The following C1GALT1 variants were observed in gnomAD, a reference collection of about 807,000 sequenced individuals.
C1GALT1 encodes the protein glycoprotein-N-acetylgalactosamine 3-beta-galactosyltransferase 1.
In C1GALT1, 11 loss-of-function variants were observed where a neutral mutation model predicts 31.0. The observed-to-expected ratio is 0.36, with a 90% CI of 0.22 to 0.59. The LOEUF (loss-of-function observed/expected upper bound fraction) is 0.59, where lower values mean the gene tolerates loss of function less well. Among genes scored for constraint, C1GALT1 ranks in the 20% least tolerant of loss-of-function variants. C1GALT1 has a pLI of 0.79. For missense variants in C1GALT1, 424 were observed against 425.2 expected, an observed-to-expected ratio of 1.00 and a Z score of 0.03; for synonymous variants, 175 against 143.6, an observed-to-expected ratio of 1.22 and a Z score of -1.56.
At chr7:7,181,393 G>T (rs961859224), upstream of C1GALT1, among the ~76,000 whole-genome samples, 1 of 152,166 alleles carries the variant, frequency 6.6e-6, no homozygotes, top group Non-Finnish European at 1.5e-5. Context: ...TGGACATCAG[G>T]ATAGCTGCAC....
intron 3 of C1GALT1, among the ~76,000 whole-genome samples, chr7:7,240,942 T>TA (rs1648312328): frequency 6.6e-6 from 1 of 152,096 alleles, no homozygotes; most frequent in Non-Finnish European, 1.5e-5. Flanking sequence ...GGGTAAAAGA[T>TA]ATTCTAATTC....
chr7:7,230,570 AATCAACCACCTT>A (rs1783023220), intron 1 of C1GALT1, among the ~76,000 whole-genome samples: 1 of 148,596 alleles, frequency 6.7e-6, no homozygotes, highest in Admixed American at 6.7e-5. Flanking sequence ...TTTGGTTCTA[AATCAACCACCTT>A]ACTATTTATT....
chr7:7,210,332 G>T (rs1172367953), intron 1 of C1GALT1: 1 of 150,628 alleles, frequency 6.6e-6, no homozygotes, highest in African/African-American at 2.5e-5. Context: ...CATGTTGTAT[G>T]TCCAGTTTAT....
At chr7:7,161,063 A>T (rs545614793) in intron 2 of C1GALT1, among the ~76,000 whole-genome samples, 86 of 152,238 alleles carry the variant, frequency 5.6e-4, no homozygotes, top group Non-Finnish European at 1.1e-3. Flanking sequence ...TTACTACACA[A>T]AATTACTGAC....
chr7:7,246,412 A>G lies in C1GALT1; in HGVS notation c.*2685A>G, dbSNP rs1292878526. 1 of 152,200 alleles carries G rather than the reference A, an allele frequency of 6.6e-6. No individual in the cohort carries two copies. Among genetic ancestry groups the G allele is most frequent in the Non-Finnish European group, 1.5e-5 (1 of 68,034 alleles). The allele number at this position is 152,200 out of a possible 1,614,324, so 9.4% of individuals were successfully genotyped here. ...GTAATAGTCAAATTAACCCAGCCAA[A>G]TTGTCACAGTGATTCTTAAACTGTG... On this transcript the variant is annotated 3_prime_UTR_variant, in exon 4 of 4. Coordinates refer to ENST00000436587, the MANE Select transcript of C1GALT1 (RefSeq NM_020156.5).
At chr7:7,207,750 T>G (rs1324413898) in intron 1 of C1GALT1, among the ~76,000 whole-genome samples, 1 of 151,764 alleles carries the variant, frequency 6.6e-6, no homozygotes, top group East Asian at 1.9e-4. Context: ...ATTCTGGAAA[T>G]TAGGTAGTAT....
chr7:7,190,004 T>C (rs1749160711), intron 1 of C1GALT1, among the ~76,000 whole-genome samples: 3 of 152,128 alleles, frequency 2.0e-5, no homozygotes, highest in Admixed American at 2.0e-4. Context: ...TTCCATAGAG[T>C]CTTTATTTCA....
chr7:7,171,493 C>T (rs766155920), intron 2 of C1GALT1, among the ~76,000 whole-genome samples: 3 of 152,014 alleles, frequency 2.0e-5, no homozygotes, highest in Admixed American at 6.6e-5. Context: ...CTATTTGTGT[C>T]GTTAAATCTA....
chr7:7,159,235 G>C (rs1011055015), intron 2 of C1GALT1, among the ~76,000 whole-genome samples: 3 of 152,120 alleles, frequency 2.0e-5, no homozygotes, highest in African/African-American at 7.2e-5. Flanking sequence ...TTGGCACAGA[G>C]CCAGAAAGAG....
chr7:7,236,189 T>G (rs1014806998), intron 2 of C1GALT1, among the ~76,000 whole-genome samples: 1 of 152,216 alleles, frequency 6.6e-6, no homozygotes, highest in African/African-American at 2.4e-5. Context: ...TCAGGCTCCC[T>G]GAATGGACTG....
chr7:7,200,943 A>G (rs1239596307), intron 1 of C1GALT1, among the ~76,000 whole-genome samples: 2 of 152,202 alleles, frequency 1.3e-5, no homozygotes, highest in African/African-American at 4.8e-5. Flanking sequence ...GGGTTCGAGC[A>G]TCCTCCTTTA....
At chr7:7,173,839 G>A (rs1160454805) in intron 2 of C1GALT1, among the ~76,000 whole-genome samples, 1 of 152,146 alleles carries the variant, frequency 6.6e-6, no homozygotes, top group Non-Finnish European at 1.5e-5. Context: ...GGCGGTGGAG[G>A]TTGCAGTGAT....
At chr7:7,208,069 A>G (rs1781829945) in intron 1 of C1GALT1, among the ~76,000 whole-genome samples, 1 of 152,174 alleles carries the variant, frequency 6.6e-6, no homozygotes, top group Non-Finnish European at 1.5e-5. Flanking sequence ...TGCTTGGGAC[A>G]TGAATTATCC....
intron 1 of C1GALT1, among the ~76,000 whole-genome samples, chr7:7,201,321 A>G (rs148658093): frequency 1.7e-3 from 264 of 152,292 alleles, no homozygotes; most frequent in African/African-American, 6.0e-3. Flanking sequence ...AGAACAGCGA[A>G]TGTTGCAGAA....
intron 2 of C1GALT1, among the ~76,000 whole-genome samples, chr7:7,163,566 C>G (rs1239262441): frequency 6.6e-6 from 1 of 152,010 alleles, no homozygotes; most frequent in African/African-American, 2.4e-5. Context: ...TCTAGAAAAC[C>G]CCATTGTCTC....
At chr7:7,158,412 C>T (rs12536320) in intron 2 of C1GALT1, among the ~76,000 whole-genome samples, 100,341 of 151,844 alleles carry the variant, frequency 0.66, 34,072 homozygotes, top group East Asian at 0.93. Context: ...TTGATGTGGA[C>T]TCAAATTCTG....
At chr7:7,196,941 A>C (rs977828943) in intron 1 of C1GALT1, among the ~76,000 whole-genome samples, 2 of 151,308 alleles carry the variant, frequency 1.3e-5, no homozygotes, top group Admixed American at 6.6e-5. Context: ...TTTGGATATT[A>C]GCCCTTTATC....
Position 7,244,781 on chromosome 7 carries a change from T to TA in C1GALT1, c.*1055dup, listed in dbSNP as rs1230896418. ...TATAGGATCTGAGGTGGCTATTAGT[T>TA]ACAGTGGCAAGATTATTTAGAAAGC... On this transcript the variant is annotated 3_prime_UTR_variant, in exon 4 of 4. Coordinates refer to ENST00000436587, the MANE Select transcript of C1GALT1 (RefSeq NM_020156.5). The TA allele has an allele frequency of 6.6e-6, 1 of 152,200 alleles. No individual in the cohort carries two copies. Among genetic ancestry groups the TA allele is most frequent in the Non-Finnish European group, 1.5e-5 (1 of 68,000 alleles). 9.4% of individuals were successfully genotyped at this position (152,200 alleles called of 1,614,324 possible). A position where few individuals can be genotyped will look rare whatever the true frequency, so the allele number is the denominator to read the frequency against.
chr7:7,182,674 G>C lies in C1GALT1; in HGVS notation c.-164G>C, dbSNP rs1343196636. Reference sequence around the variant, plus strand: ...CGCCGCCGCTGTGCTGCCGCTGCCGGGGAATAATCTGGGCGGCAGCGGGCG... The same window carrying C: ...CGCCGCCGCTGTGCTGCCGCTGCCGCGGAATAATCTGGGCGGCAGCGGGCG... On this transcript the variant is annotated 5_prime_UTR_variant, in exon 1 of 4. Coordinates refer to ENST00000436587, the MANE Select transcript of C1GALT1 (RefSeq NM_020156.5). 1.4e-5 allele frequency: 6 copies of C among 443,696 alleles called. No individual in the cohort carries two copies. The highest frequency in any genetic ancestry group is 1.1e-4 in the African/African-American group (5 of 46,770). 27.5% of individuals were successfully genotyped at this position (443,696 alleles called of 1,614,324 possible).
Sources: gnomAD v4.1 joint callset for allele counts (sites outside exome capture counted in the v4.1 genomes callset) on GRCh38, gnomAD v4.1.1 for gene constraint, MANE v1.5 for transcripts, NCBI Gene and HGNC (gene_info 2026-07-23, HGNC 2026-07-21) for gene names.